DOCK4: variants seen among roughly 807,000 people sequenced by gnomAD.
DOCK4 encodes the protein dedicator of cytokinesis protein 4.
In DOCK4, 97 loss-of-function variants were observed where a neutral mutation model predicts 268.1. The ratio of observed to expected loss-of-function variants is 0.36; its 90% CI spans 0.31 to 0.43. The LOEUF is 0.43. DOCK4 is among the 20% of genes least tolerant of loss of function. The pLI, the probability that DOCK4 is intolerant of heterozygous loss-of-function variation, is 1.00. For synonymous variants in DOCK4, 954 were observed against 887.2 expected, an observed-to-expected ratio of 1.08 and a Z score of -1.34; for missense variants, 2,145 against 2,455.7, an observed-to-expected ratio of 0.87 and a Z score of 2.67.
chr7:111,846,990 T>C lies in DOCK4; in HGVS notation c.2601+9A>G. ...AGGGAGCTATATACTATGACCTGTA[T>C]TTACTTACTGAGCTATTTTTCTTGA... On this transcript the variant is annotated intron_variant, in intron 24 of 52. Transcript: ENST00000428084. The C allele has an allele frequency of 6.2e-7, 1 of 1,613,396 alleles. No homozygotes were observed. The highest frequency in any genetic ancestry group is 8.5e-7 in the Non-Finnish European group (1 of 1,179,460).
chr7:112,068,070 A>G (rs567861409), intron 1 of DOCK4, among the ~76,000 whole-genome samples: 1 of 152,334 alleles, frequency 6.6e-6, no homozygotes, highest in African/African-American at 2.4e-5. Context: ...TGAATTGAAG[A>G]AATATATAAT....
chr7:111,873,668 A>G (rs1431301460), intron 17 of DOCK4, among the ~76,000 whole-genome samples: 7 of 152,204 alleles, frequency 4.6e-5, no homozygotes. Context: ...ATGAGAAAGA[A>G]AAAGAGAATA....
intron 1 of DOCK4, among the ~76,000 whole-genome samples, chr7:112,118,787 T>C (rs1812427557): frequency 6.6e-6 from 1 of 152,182 alleles, no homozygotes; most frequent in Non-Finnish European, 1.5e-5. Flanking sequence ...CAGGAGAAAC[T>C]GTTAGCCCTC....
intron 35 of DOCK4, among the ~76,000 whole-genome samples, 154 bp downstream of exon 35, chr7:111,782,710 C>T (rs1035665522): frequency 6.6e-6 from 1 of 152,144 alleles, no homozygotes; most frequent in Non-Finnish European, 1.5e-5. Flanking sequence ...TAACCTGCAG[C>T]TCACTATGCT....
At chr7:111,808,305 T>G (rs537389415) in intron 30 of DOCK4, 1 of 154,280 alleles carries the variant, frequency 6.5e-6, no homozygotes, top group South Asian at 2.0e-4. Flanking sequence ...CTATCTGCTA[T>G]AGCAGATTAA....
Position 112,206,226 on chromosome 7 carries a change from G to T in DOCK4, c.-88C>A. On this transcript the variant is annotated 5_prime_UTR_variant, in exon 1 of 53. Coordinates refer to ENST00000428084, the MANE Select transcript of DOCK4 (RefSeq NM_001363540.2). ...CAATGCACAGTCCCCGAGCAGCGCT[G>T]CAGTGCCGGAGCCCAGCGGCTTCGC... The T allele has an allele frequency of 7.0e-7, 1 of 1,424,814 alleles. No individual in the cohort carries two copies. The highest frequency in any genetic ancestry group is 1.2e-5 in the South Asian group (1 of 81,360). 88.3% of individuals were successfully genotyped at this position (1,424,814 alleles called of 1,614,324 possible).
intron 1 of DOCK4, among the ~76,000 whole-genome samples, chr7:112,133,486 C>T (rs1814003623): frequency 6.6e-6 from 1 of 152,170 alleles, no homozygotes; most frequent in Admixed American, 6.5e-5. Context: ...AATCCCAGCA[C>T]TTTGGCAGGC....
chr7:111,741,924 A>C, intron 45 of DOCK4, 89 bp downstream of exon 45: 3 of 1,472,190 alleles, frequency 2.0e-6, no homozygotes, highest in South Asian at 1.4e-5. Flanking sequence ...AAAAACCACA[A>C]GATGTCACTA....
At chr7:111,927,167 C>A (rs1163506473) in intron 12 of DOCK4, among the ~76,000 whole-genome samples, 4 of 152,144 alleles carry the variant, frequency 2.6e-5, no homozygotes, top group Non-Finnish European at 4.4e-5. Flanking sequence ...GTAACTCTGT[C>A]CATTGGGATG....
chr7:111,779,960 T>C (rs1026037779), intron 35 of DOCK4, among the ~76,000 whole-genome samples: 4 of 152,186 alleles, frequency 2.6e-5, no homozygotes, highest in Non-Finnish European at 5.9e-5. Context: ...TGCTAGTTGG[T>C]GTGTGGAAGA....
intron 11 of DOCK4, 137 bp downstream of exon 11, chr7:111,939,973 A>T (rs1401570739): frequency 2.4e-6 from 2 of 846,944 alleles, no homozygotes; most frequent in Non-Finnish European, 3.7e-6. Flanking sequence ...ACAAGTCTAC[A>T]GATTACTGGG....
chr7:111,740,982 A>G, intron 47 of DOCK4, 112 bp downstream of exon 47: 14 of 1,332,364 alleles, frequency 1.1e-5, no homozygotes, highest in Non-Finnish European at 1.5e-5. Context: ...TTTGTCCTTA[A>G]GCCAAGTTCT....
chr7:111,933,581 C>T (rs1562906058), intron 12 of DOCK4, among the ~76,000 whole-genome samples: 1 of 151,924 alleles, frequency 6.6e-6, no homozygotes, highest in Non-Finnish European at 1.5e-5. Context: ...AGACGTGAGC[C>T]ACCGCACCCA....
chr7:111,888,689 T>C (rs1380543024), intron 16 of DOCK4, among the ~76,000 whole-genome samples: 1 of 152,074 alleles, frequency 6.6e-6, no homozygotes, highest in African/African-American at 2.4e-5. Context: ...CTAGACTGAT[T>C]GTGGAAAACT....
At chr7:111,766,083 T>C (rs1483205054) in intron 38 of DOCK4, among the ~76,000 whole-genome samples, 4 of 152,326 alleles carry the variant, frequency 2.6e-5, no homozygotes, top group African/African-American at 9.6e-5. Flanking sequence ...TGAACAGCAA[T>C]GTTTTCATAT....
At chr7:111,876,157 AT>A (rs1806852423) in intron 17 of DOCK4, among the ~76,000 whole-genome samples, 1 of 152,204 alleles carries the variant, frequency 6.6e-6, no homozygotes, top group African/African-American at 2.4e-5. Flanking sequence ...TAACTACTGA[AT>A]GCTGATAAAA....
intron 1 of DOCK4, among the ~76,000 whole-genome samples, chr7:112,140,671 C>T (rs1319359609): frequency 2.2e-5 from 2 of 89,214 alleles, no homozygotes; most frequent in African/African-American, 5.2e-5. Flanking sequence ...TTTTTAAATG[C>T]AGAAAAAAAA....
Position 111,741,235 on chromosome 7 carries a change from A to G in DOCK4, c.4920-21T>C, listed in dbSNP as rs760815412. ...ACGGGCTGTTTCAGGGGGAAAAAAA[A>G]GGTCATTAACTCAGTCTCCAAATTG... is the stretch of plus-strand genomic sequence containing the variant. On this transcript the variant is annotated intron_variant, in intron 46 of 52. Coordinates refer to ENST00000428084, the MANE Select transcript of DOCK4 (RefSeq NM_001363540.2). The G allele has an allele frequency of 6.2e-6, 10 of 1,612,534 alleles. No individual in the cohort carries two copies. In the South Asian group the frequency reaches 7.7e-5, roughly 12 times the overall value.
intron 1 of DOCK4, among the ~76,000 whole-genome samples, chr7:112,097,858 T>C (rs1281131665): frequency 6.6e-6 from 1 of 152,208 alleles, no homozygotes; most frequent in African/African-American, 2.4e-5. Flanking sequence ...ACCAGAGTTT[T>C]TTCCTAGAAA....
Sources: allele counts gnomAD v4.1 joint callset (sites outside exome capture counted in the v4.1 genomes callset), GRCh38; gene constraint gnomAD v4.1.1; transcripts MANE v1.5; gene names NCBI Gene and HGNC (gene_info 2026-07-23, HGNC 2026-07-21).